Variants in CAMK2A observed in about 807,000 individuals in gnomAD.
The protein encoded by CAMK2A is calcium/calmodulin-dependent protein kinase type II subunit alpha.
Under a neutral mutation model 79.2 loss-of-function variants are expected in CAMK2A, and 7 were observed. The observed-to-expected ratio is 0.09, with a 90% confidence interval of 0.05 to 0.17. The LOEUF (loss-of-function observed/expected upper bound fraction) is 0.17, where lower values mean the gene tolerates loss of function less well. CAMK2A is among the 10% of genes least tolerant of loss of function. CAMK2A has a pLI of 1.00. For missense variants in CAMK2A, 214 were observed against 646.4 expected, an observed-to-expected ratio of 0.33 and a Z score of 7.25; for synonymous variants, 242 against 251.7, an observed-to-expected ratio of 0.96 and a Z score of 0.36.
In CAMK2A at chr5:150,250,802, C is replaced by A; in HGVS notation, c.702G>T (p.Ser234=). The change falls in exon 10 of 19, where the codon TCG becomes TCT. Residue 234 remains serine, a synonymous_variant. Coordinates refer to ENST00000671881, the MANE Select transcript of CAMK2A (RefSeq NM_015981.4). ...QIKAGAYDFP[S]PEWDTVTPEA... is the part of the protein sequence containing the mutation. ...CCGGGGTGACAGTGTCCCATTCCGG[C>A]GATGGGAACTGGAAGGGGCAGAGAG... is the stretch of plus-strand genomic sequence containing the variant. The A allele has an allele frequency of 6.2e-7, 1 of 1,613,918 alleles. No individual in the cohort carries two copies. The highest frequency in any genetic ancestry group is 8.5e-7 in the Non-Finnish European group (1 of 1,179,838).
intron 15 of CAMK2A, among the ~76,000 whole-genome samples, chr5:150,233,921 T>C (rs1463389861): frequency 6.6e-6 from 1 of 152,208 alleles, no homozygotes; most frequent in African/African-American, 2.4e-5. Flanking sequence ...CAAGCGATTC[T>C]CCTGCCTCAG....
At chr5:150,279,029 G>T (rs553305715) in intron 1 of CAMK2A, among the ~76,000 whole-genome samples, 1 of 152,118 alleles carries the variant, frequency 6.6e-6, no homozygotes, top group Non-Finnish European at 1.5e-5. Flanking sequence ...AGTGAGGGCC[G>T]CAGTCTCTTC....
rs1324913262 is a variant in CAMK2A, at chr5:150,239,699, C to T, written c.1017+5G>A. 1.2e-6 allele frequency: 2 copies of T among 1,613,758 alleles called. No homozygotes were observed. Among genetic ancestry groups the T allele is most frequent in the Admixed American group, 1.7e-5 (1 of 59,988 alleles). ...TACCGGCGTTAGGAGACGGCAGACA[C>T]TCACCATTAACTGAACGCTGGAACT... is the stretch of plus-strand genomic sequence containing the variant. On this transcript the variant is annotated splice_donor_5th_base_variant and intron_variant, in intron 14 of 18. Coordinates refer to ENST00000671881, the MANE Select transcript of CAMK2A (RefSeq NM_015981.4).
intron 12 of CAMK2A, among the ~76,000 whole-genome samples, 154 bp downstream of exon 12, chr5:150,247,618 C>T (rs548747724): frequency 2.0e-5 from 3 of 152,126 alleles, no homozygotes; most frequent in Non-Finnish European, 4.4e-5. Context: ...TGGGTACAGG[C>T]CGTGGCAGGT....
At chr5:150,250,919 C>T (rs1755803980) in intron 9 of CAMK2A, 109 bp from the exon 10 acceptor site, 1 of 1,260,678 alleles carries the variant, frequency 7.9e-7, no homozygotes, top group East Asian at 2.4e-5. Flanking sequence ...TGCCCATCCA[C>T]TCGGACATCC....
At chr5:150,251,723 G>A (rs1755842293) in intron 9 of CAMK2A, 27 bp downstream of exon 9, 1 of 1,522,850 alleles carries the variant, frequency 6.6e-7, no homozygotes, top group Admixed American at 2.0e-5. Flanking sequence ...GAGGATGATG[G>A]GAGCTGAAGA....
chr5:150,263,335 C>T (rs1404856627), intron 3 of CAMK2A, among the ~76,000 whole-genome samples: 1 of 152,118 alleles, frequency 6.6e-6, no homozygotes, highest in Non-Finnish European at 1.5e-5. Flanking sequence ...TGCAGCAACA[C>T]ACACACACAT....
At chr5:150,234,200 C>T (rs1025308457) in intron 15 of CAMK2A, among the ~76,000 whole-genome samples, 1 of 152,162 alleles carries the variant, frequency 6.6e-6, no homozygotes, top group African/African-American at 2.4e-5. Context: ...ACCTGAGTCA[C>T]TCTCCTTGCC....
intron 3 of CAMK2A, among the ~76,000 whole-genome samples, chr5:150,258,402 GGGCGTGCT>G (rs1414308305): frequency 1.1e-4 from 17 of 152,226 alleles, no homozygotes; most frequent in African/African-American, 4.1e-4. Context: ...GTCCATGCAG[GGGCGTGCT>G]GGCTCAGTGA....
At chr5:150,277,846 C>T (rs1757016704) in intron 1 of CAMK2A, among the ~76,000 whole-genome samples, 1 of 152,216 alleles carries the variant, frequency 6.6e-6, no homozygotes, top group African/African-American at 2.4e-5. Context: ...CACAGCAATC[C>T]TGTGAAGTTG....
At chr5:150,224,862 A>T (rs1271316336) in intron 17 of CAMK2A, among the ~76,000 whole-genome samples, 1 of 25,130 alleles carries the variant, frequency 4.0e-5, no homozygotes, top group Non-Finnish European at 9.7e-5. Context: ...ACGCAGTGGA[A>T]TCTAAAAGTC....
rs1452125151 is a variant in CAMK2A, at chr5:150,265,011, A to G, written c.162T>C (p.His54=). ...INTKKLSARD[H]QKLEREARIC... ...TGCGGGCTTCACGCTCCAGCTTCTG[A>G]TGGTCTGAAACACAGAGGCTCATGT... Residue 54 remains histidine, a synonymous_variant, in exon 3 of 19, where the codon CAT becomes CAC. Coordinates refer to ENST00000671881, the MANE Select transcript of CAMK2A (RefSeq NM_015981.4). 1.9e-6 allele frequency: 3 copies of G among 1,612,874 alleles called. No homozygotes were observed. Among genetic ancestry groups the G allele is most frequent in the East Asian group, 2.2e-5 (1 of 44,830 alleles).
chr5:150,251,642 C>T, intron 9 of CAMK2A, 108 bp downstream of exon 9: 1 of 757,570 alleles, frequency 1.3e-6, no homozygotes. Context: ...AGTCTTCATG[C>T]TCCCCTGGGG....
At chr5:150,247,504 A>C (rs1755623249) in intron 12 of CAMK2A, among the ~76,000 whole-genome samples, 1 of 152,232 alleles carries the variant, frequency 6.6e-6, no homozygotes, top group Non-Finnish European at 1.5e-5. Flanking sequence ...TAGGCGGCCC[A>C]GCCTGAGAAC....
At chr5:150,242,127 G>T (rs561713634) in intron 13 of CAMK2A, among the ~76,000 whole-genome samples, 3 of 152,324 alleles carry the variant, frequency 2.0e-5, no homozygotes, top group African/African-American at 4.8e-5. Context: ...CCTCCTCCTA[G>T]AAGTCCAGGC....
Position 150,222,114 on chromosome 5 carries a change from C to T in CAMK2A, c.*596G>A, listed in dbSNP as rs918178138. 3.2e-5 allele frequency: 7 copies of T among 219,622 alleles called. No homozygotes were observed. The highest frequency in any genetic ancestry group is 3.0e-4 in the Admixed American group (6 of 19,908). 13.6% of individuals were successfully genotyped at this position (219,622 alleles called of 1,614,324 possible). A position where few individuals can be genotyped will look rare whatever the true frequency, so the allele number is the denominator to read the frequency against. ...GTAGGGGCACCTGAGAGGGCCACAT[C>T]CCCCACACCGAGGGAAGGGTCAGAC... On this transcript the variant is annotated 3_prime_UTR_variant, in exon 19 of 19. Transcript: ENST00000671881.
chr5:150,247,611 G>A (rs1755626526), intron 12 of CAMK2A, among the ~76,000 whole-genome samples, 161 bp downstream of exon 12: 1 of 152,116 alleles, frequency 6.6e-6, no homozygotes, highest in South Asian at 2.1e-4. Context: ...TCACTTCTGG[G>A]TACAGGCCGT....
chr5:150,244,638 C>G (rs1755481878), intron 13 of CAMK2A, among the ~76,000 whole-genome samples: 1 of 152,140 alleles, frequency 6.6e-6, no homozygotes, highest in Non-Finnish European at 1.5e-5. Flanking sequence ...GATTTTGGAA[C>G]TGAACCAGCA....
chr5:150,251,352 T>G (rs1562165325), intron 9 of CAMK2A, among the ~76,000 whole-genome samples: 1 of 152,214 alleles, frequency 6.6e-6, no homozygotes, highest in Non-Finnish European at 1.5e-5. Context: ...TTGACCTCTC[T>G]GTATGTCAGC....
Sources: allele counts gnomAD v4.1 joint callset (sites outside exome capture counted in the v4.1 genomes callset), GRCh38; gene constraint gnomAD v4.1.1; transcripts MANE v1.5; gene names NCBI Gene and HGNC (gene_info 2026-07-23, HGNC 2026-07-21).